SLC22A15: variants seen among roughly 807,000 people sequenced by gnomAD.
SLC22A15 encodes the protein flipt 1.
SLC22A15 carries 45 observed loss-of-function variants against 62.7 expected under a neutral mutation model. The observed-to-expected ratio is 0.72, with a 90% CI of 0.56 to 0.92. SLC22A15 has a LOEUF of 0.92. Among genes scored for constraint, SLC22A15 ranks in the 40% least tolerant of loss-of-function variants. The pLI is 0.00. For synonymous variants in SLC22A15, 264 were observed against 267.0 expected (o/e 0.99, Z 0.11); for missense variants, 622 against 665.6 (o/e 0.93, Z 0.72).
chr1:116,067,235 C>G lies in SLC22A15; in HGVS notation c.*127C>G. The G allele has an allele frequency of 1.5e-6, 1 of 665,758 alleles. No homozygotes were observed. The highest frequency in any genetic ancestry group is 1.9e-5 in the South Asian group (1 of 52,002). 41.2% of individuals were successfully genotyped at this position (665,758 alleles called of 1,614,324 possible). ...TGGCTTGAATGTACATAGATGGTAC[C>G]TGGCATGGACTGATGTTTTTAGGCA... On this transcript the variant is annotated 3_prime_UTR_variant, in exon 12 of 12. Coordinates refer to ENST00000369503, the MANE Select transcript of SLC22A15 (RefSeq NM_018420.3).
intron 1 of SLC22A15, among the ~76,000 whole-genome samples, chr1:115,982,734 T>C (rs957286435): frequency 2.6e-5 from 4 of 152,244 alleles, no homozygotes; most frequent in Non-Finnish European, 4.4e-5. Context: ...TCTACCTAGA[T>C]GCTTTTTGTC....
chr1:116,057,308 G>A (rs879281667), intron 8 of SLC22A15, among the ~76,000 whole-genome samples: 2 of 151,888 alleles, frequency 1.3e-5, no homozygotes, highest in Non-Finnish European at 2.9e-5. Context: ...ATGAAAAAAT[G>A]CTCATCATCA....
At chr1:115,978,776 TCCC>T (rs1654450590) in intron 1 of SLC22A15, among the ~76,000 whole-genome samples, 1 of 152,108 alleles carries the variant, frequency 6.6e-6, no homozygotes, top group African/African-American at 2.4e-5. Flanking sequence ...TACTGTGGAG[TCCC>T]ATTGCTCAGT....
chr1:116,033,222 T>C (rs1657490011), intron 6 of SLC22A15, among the ~76,000 whole-genome samples: 1 of 152,258 alleles, frequency 6.6e-6, no homozygotes, highest in South Asian at 2.1e-4. Flanking sequence ...TTCCTTTAGT[T>C]ATTTTCCACA....
chr1:116,019,369 C>T (rs1277992001), intron 2 of SLC22A15, among the ~76,000 whole-genome samples: 1 of 152,176 alleles, frequency 6.6e-6, no homozygotes, highest in Non-Finnish European at 1.5e-5. Context: ...GTATAGAGTA[C>T]TGTGGGAGTG....
chr1:116,037,634 G>A lies in SLC22A15; in HGVS notation c.1171+246G>A, dbSNP rs1000888017. 7.8e-6 allele frequency: 3 copies of A among 382,684 alleles called. No homozygotes were observed. In the Admixed American group the frequency reaches 1.2e-4, roughly 15 times the overall value. The allele number at this position is 382,684 out of a possible 1,614,324, so 23.7% of individuals were successfully genotyped here. On this transcript the variant is annotated intron_variant, in intron 8 of 11. Coordinates refer to ENST00000369503, the MANE Select transcript of SLC22A15 (RefSeq NM_018420.3). ...AGCTACCATCTGGGGTGACTGAGAT[G>A]TAGTATTGGTGATGTTAGAGTTGTT...
At chr1:116,023,014 C>T (rs540122580) in intron 4 of SLC22A15, among the ~76,000 whole-genome samples, 2 of 152,244 alleles carry the variant, frequency 1.3e-5, no homozygotes, top group African/African-American at 4.8e-5. Context: ...ATTTTATCTA[C>T]ACCTGTGGCT....
At chr1:116,003,733 CT>C (rs1655846765) in intron 2 of SLC22A15, among the ~76,000 whole-genome samples, 1 of 152,174 alleles carries the variant, frequency 6.6e-6, no homozygotes, top group Non-Finnish European at 1.5e-5. Context: ...TCAAGACTGT[CT>C]TTCCTACCCT....
intron 2 of SLC22A15, among the ~76,000 whole-genome samples, chr1:116,016,427 A>G (rs1358462437): frequency 6.6e-6 from 1 of 152,090 alleles, no homozygotes; most frequent in African/African-American, 2.4e-5. Context: ...TGTTTTCGCC[A>G]TGTTGCCCAG....
At chr1:116,001,402 A>G (rs1655723257) in intron 2 of SLC22A15, among the ~76,000 whole-genome samples, 1 of 152,044 alleles carries the variant, frequency 6.6e-6, no homozygotes. Flanking sequence ...TTCTGTTATT[A>G]TCTCTTTGAA....
At chr1:116,013,210 T>A (rs1046625516) in intron 2 of SLC22A15, among the ~76,000 whole-genome samples, 5 of 152,148 alleles carry the variant, frequency 3.3e-5, no homozygotes, top group Admixed American at 2.6e-4. Flanking sequence ...TTCTCCCTCA[T>A]CCCCAGCCTT....
At position 116,069,161 on chromosome 1, in the gene SLC22A15, T is replaced by C. The variant is rs1406602740; in HGVS notation, c.*2053T>C. The C allele has an allele frequency of 6.6e-6, 1 of 152,118 alleles. No individual in the cohort carries two copies. The highest frequency in any genetic ancestry group is 1.5e-5 in the Non-Finnish European group (1 of 68,038). The allele number at this position is 152,118 out of a possible 1,614,324, so 9.4% of individuals were successfully genotyped here. A position where few individuals can be genotyped will look rare whatever the true frequency, so the allele number is the denominator to read the frequency against. Reference sequence around the variant, plus strand: ...TGGGGTGGAAGATAGGAGGGGGAGATCTACAATTTGAATATGTGTTACTTA... The same window carrying C: ...TGGGGTGGAAGATAGGAGGGGGAGACCTACAATTTGAATATGTGTTACTTA... On this transcript the variant is annotated 3_prime_UTR_variant, in exon 12 of 12. Coordinates refer to ENST00000369503, the MANE Select transcript of SLC22A15 (RefSeq NM_018420.3).
chr1:116,028,624 G>A (rs969845963), intron 5 of SLC22A15, among the ~76,000 whole-genome samples: 8 of 147,756 alleles, frequency 5.4e-5, no homozygotes, highest in Non-Finnish European at 1.0e-4. Flanking sequence ...AGTTCAGGTC[G>A]TGAAAAATAG....
chr1:116,003,917 A>G (rs1655853959), intron 2 of SLC22A15, among the ~76,000 whole-genome samples: 1 of 152,168 alleles, frequency 6.6e-6, no homozygotes, highest in Admixed American at 6.5e-5. Context: ...AAAACTAGAG[A>G]AAGTTATATT....
Position 116,059,451 on chromosome 1 carries a change from G to T in SLC22A15, c.1172-3311G>T, listed in dbSNP as rs557147398. 9.9e-5 allele frequency among the ~76,000 whole-genome samples: 15 copies of T among 152,214 alleles called. No individual in the cohort carries two copies. The East Asian group carries it at 2.9e-3, about 29-fold the overall frequency. On this transcript the variant is annotated intron_variant, in intron 8 of 11. Coordinates refer to ENST00000369503, the MANE Select transcript of SLC22A15 (RefSeq NM_018420.3). ...CTGATGAATGGATAAACAAATTGTG[G>T]TATATCAATATAATGGAATATTAGT... is the stretch of plus-strand genomic sequence containing the variant.
At chr1:116,004,543 G>C (rs2101159711) in intron 2 of SLC22A15, among the ~76,000 whole-genome samples, 1 of 152,092 alleles carries the variant, frequency 6.6e-6, no homozygotes, top group South Asian at 2.1e-4. Flanking sequence ...TGCATCTTTG[G>C]GTACATGCTT....
intron 2 of SLC22A15, among the ~76,000 whole-genome samples, chr1:115,995,793 C>T (rs934494038): frequency 1.3e-5 from 2 of 152,096 alleles, no homozygotes; most frequent in African/African-American, 4.8e-5. Context: ...CAGTGGGAAC[C>T]TCTTCAAGCT....
At chr1:116,017,993 T>G (rs969965230) in intron 2 of SLC22A15, among the ~76,000 whole-genome samples, 1 of 152,236 alleles carries the variant, frequency 6.6e-6, no homozygotes, top group African/African-American at 2.4e-5. Context: ...CTAAAGGAGT[T>G]TCTTTTGTCA....
intron 4 of SLC22A15, among the ~76,000 whole-genome samples, chr1:116,022,922 T>C (rs184417631): frequency 1.3e-5 from 2 of 152,300 alleles, no homozygotes; most frequent in Admixed American, 1.3e-4. Context: ...TTGAGTAGCT[T>C]CCTTCCCTCT....
Sources: allele counts gnomAD v4.1 joint callset (sites outside exome capture counted in the v4.1 genomes callset), GRCh38; gene constraint gnomAD v4.1.1; transcripts MANE v1.5; gene names NCBI Gene and HGNC (gene_info 2026-07-23, HGNC 2026-07-21).